The following OCA2 variants were observed in gnomAD, a reference collection of about 807,000 sequenced individuals.
The protein encoded by OCA2 is OCA2 melanosomal transmembrane protein.
In OCA2, 77 loss-of-function variants were observed where a neutral mutation model predicts 100.2. The observed-to-expected ratio is 0.77, with a 90% CI of 0.64 to 0.93. The LOEUF (loss-of-function observed/expected upper bound fraction) is 0.93, where lower values mean the gene tolerates loss of function less well. Among genes scored for constraint, OCA2 ranks in the 40% least tolerant of loss-of-function variants. OCA2 has a pLI of 0.00. For missense variants in OCA2, 1,062 were observed against 1,089.1 expected, an observed-to-expected ratio of 0.98 and a Z score of 0.35; for synonymous variants, 432 against 439.2, an observed-to-expected ratio of 0.98 and a Z score of 0.21.
chr15:28,003,974 T>C (rs767631350), intron 9 of OCA2, among the ~76,000 whole-genome samples: 3 of 152,210 alleles, frequency 2.0e-5, no homozygotes, highest in Non-Finnish European at 4.4e-5. Context: ...GCTCTGCTGG[T>C]GTCCACGTAG....
At chr15:28,082,025 G>C in intron 1 of OCA2, 130 bp from the exon 2 acceptor site, 1 of 745,196 alleles carries the variant, frequency 1.3e-6, no homozygotes, top group South Asian at 1.6e-5. Flanking sequence ...TCCTAACCAC[G>C]CAAGAGCATT....
At chr15:27,820,963 G>A (rs1214229819) in intron 23 of OCA2, among the ~76,000 whole-genome samples, 1 of 152,172 alleles carries the variant, frequency 6.6e-6, no homozygotes, top group East Asian at 1.9e-4. Flanking sequence ...GGCAGCACAA[G>A]AGAGAGATAC....
At chr15:28,048,156 G>C (rs2043398876) in intron 2 of OCA2, among the ~76,000 whole-genome samples, 1 of 152,182 alleles carries the variant, frequency 6.6e-6, no homozygotes, top group Non-Finnish European at 1.5e-5. Context: ...TATGTTCATG[G>C]ATAAGAAGAC....
chr15:28,052,149 G>A (rs923542814), intron 2 of OCA2, among the ~76,000 whole-genome samples: 1 of 152,144 alleles, frequency 6.6e-6, no homozygotes, highest in African/African-American at 2.4e-5. Context: ...TTACTGCAAA[G>A]CCCCAGCTCA....
At chr15:27,927,353 T>C (rs886225003) in intron 18 of OCA2, among the ~76,000 whole-genome samples, 1 of 152,204 alleles carries the variant, frequency 6.6e-6, no homozygotes, top group Non-Finnish European at 1.5e-5. Context: ...TTTTAATGTG[T>C]AGTAGTATGC....
intron 19 of OCA2, among the ~76,000 whole-genome samples, chr15:27,911,325 T>G (rs930150933): frequency 1.5e-5 from 2 of 137,046 alleles, no homozygotes. Context: ...GAGGCTGTAG[T>G]TAGGAGGATT....
At chr15:27,910,047 G>T (rs13329141) in intron 19 of OCA2, among the ~76,000 whole-genome samples, 2 of 151,860 alleles carry the variant, frequency 1.3e-5, no homozygotes, top group Non-Finnish European at 2.9e-5. Flanking sequence ...ACAGGACACT[G>T]ACATGAATGC....
intron 23 of OCA2, among the ~76,000 whole-genome samples, chr15:27,821,095 G>C (rs931950265): frequency 6.6e-6 from 1 of 151,998 alleles, no homozygotes; most frequent in Non-Finnish European, 1.5e-5. Context: ...TAGATATTCT[G>C]TAAATTATTA....
intron 1 of OCA2, among the ~76,000 whole-genome samples, chr15:28,090,000 G>C (rs1369950993): frequency 6.6e-6 from 1 of 152,120 alleles, no homozygotes; most frequent in Non-Finnish European, 1.5e-5. Context: ...TAAAAGGATG[G>C]AAAAAGATAT....
intron 18 of OCA2, among the ~76,000 whole-genome samples, chr15:27,950,093 G>C (rs2039981106): frequency 6.6e-6 from 1 of 152,196 alleles, no homozygotes; most frequent in East Asian, 1.9e-4. Flanking sequence ...AGTCCATATA[G>C]TTAAAGATGT....
chr15:28,081,464 T>G (rs946977515), intron 2 of OCA2, among the ~76,000 whole-genome samples, 184 bp downstream of exon 2: 2 of 152,162 alleles, frequency 1.3e-5, no homozygotes, highest in Non-Finnish European at 2.9e-5. Flanking sequence ...GGAGCTAAAT[T>G]AAGTTCATCA....
At chr15:27,721,381 A>G in the OCA2 span, among the ~76,000 whole-genome samples, 2 of 152,174 alleles carry the variant, frequency 1.3e-5, no homozygotes, top group Non-Finnish European at 2.9e-5. Flanking sequence ...CCACAAGAAA[A>G]TTATGTAATT....
chr15:27,768,399 G>A (rs1228424316), intron 23 of OCA2, among the ~76,000 whole-genome samples: 1 of 152,128 alleles, frequency 6.6e-6, no homozygotes. Flanking sequence ...CCACACCCAG[G>A]GGCAACTGTT....
At position 27,918,263 on chromosome 15, in the gene OCA2, G is replaced by A. The variant is rs373220152; in HGVS notation, c.2079+7864C>T. Among the ~76,000 whole-genome samples the A allele has an allele frequency of 1.4e-3, 206 of 151,916 alleles. 2 individuals carry two copies. The highest frequency in any genetic ancestry group is 4.8e-3 in the African/African-American group (200 of 41,428). On this transcript the variant is annotated intron_variant, in intron 19 of 23. Coordinates refer to ENST00000354638, the MANE Select transcript of OCA2 (RefSeq NM_000275.3). ...ATTATTGTATTTTTAGTAGAGACAG[G>A]GTTTCACCATGTTGGCCAGGCTGGT...
intron 19 of OCA2, among the ~76,000 whole-genome samples, chr15:27,897,197 A>G (rs1371711647): frequency 6.6e-6 from 1 of 152,096 alleles, no homozygotes; most frequent in African/African-American, 2.4e-5. Context: ...CTCAAAAAAA[A>G]AAAAAAAGAA....
intron 19 of OCA2, among the ~76,000 whole-genome samples, chr15:27,877,397 A>C (rs1384214097): frequency 6.6e-6 from 1 of 151,548 alleles, no homozygotes; most frequent in Non-Finnish European, 1.5e-5. Flanking sequence ...TTTTTTGTCT[A>C]GGTGTTCTAT....
intron 3 of OCA2, 139 bp from the exon 4 acceptor site, chr15:28,028,198 T>C (rs1271644042): frequency 3.1e-6 from 3 of 976,002 alleles, no homozygotes; most frequent in Non-Finnish European, 4.8e-6. Context: ...TGGTGCACTC[T>C]CATACTGGTG....
At chr15:27,872,605 G>A (rs2036623626) in intron 19 of OCA2, among the ~76,000 whole-genome samples, 1 of 152,170 alleles carries the variant, frequency 6.6e-6, no homozygotes, top group African/African-American at 2.4e-5. Flanking sequence ...TGTGGGTGTG[G>A]CCTTTTCACT....
chr15:27,999,790 C>T (rs2041870014), intron 9 of OCA2, among the ~76,000 whole-genome samples: 1 of 152,112 alleles, frequency 6.6e-6, no homozygotes, highest in Non-Finnish European at 1.5e-5. Flanking sequence ...AAAATCAGAA[C>T]ACATACAAAA....
Sources: gnomAD v4.1 joint callset for allele counts (sites outside exome capture counted in the v4.1 genomes callset) on GRCh38, gnomAD v4.1.1 for gene constraint, MANE v1.5 for transcripts, NCBI Gene and HGNC (gene_info 2026-07-23, HGNC 2026-07-21) for gene names.